NDUFA13: variants seen among roughly 807,000 people sequenced by gnomAD.
NDUFA13 encodes NADH dehydrogenase [ubiquinone] 1 alpha subcomplex subunit 13.
A neutral mutation model predicts 17.0 loss-of-function variants in NDUFA13; 16 were observed. The observed-to-expected ratio is 0.94, with a 90% confidence interval of 0.64 to 1.43. NDUFA13 has a LOEUF of 1.43. Ranked by LOEUF, NDUFA13 falls within the 40% of genes most tolerant of loss-of-function variation. NDUFA13 has a pLI of 0.00. For synonymous variants in NDUFA13, 87 were observed against 78.4 expected (o/e 1.11, Z -0.58); for missense variants, 228 against 206.7 (o/e 1.10, Z -0.63).
intron 1 of NDUFA13, among the ~76,000 whole-genome samples, chr19:19,524,707 G>A (rs1309282796): frequency 6.6e-6 from 1 of 152,162 alleles, no homozygotes; most frequent in Non-Finnish European, 1.5e-5. Flanking sequence ...TCCGGAGGCT[G>A]AGGTGGAAGA....
intron 3 of NDUFA13, 107 bp downstream of exon 3, chr19:19,527,459 G>T: frequency 1.5e-6 from 2 of 1,348,210 alleles, no homozygotes; most frequent in South Asian, 1.2e-5. Flanking sequence ...GGGGGCCATC[G>T]CCCTGTGCCG....
chr19:19,524,055 G>A (rs762856586), intron 1 of NDUFA13, among the ~76,000 whole-genome samples: 2 of 52,632 alleles, frequency 3.8e-5, no homozygotes, highest in African/African-American at 1.6e-4. Flanking sequence ...AGCGTGAGCC[G>A]AAAAAATTTG....
At chr19:19,525,910 C>T in intron 1 of NDUFA13, 1 of 880,464 alleles carries the variant, frequency 1.1e-6, no homozygotes, top group Non-Finnish European at 1.6e-6. Flanking sequence ...CAGGGCCAGC[C>T]TGCCGCCCAG....
intron 1 of NDUFA13, among the ~76,000 whole-genome samples, chr19:19,517,277 G>T (rs2061054127): frequency 6.8e-6 from 1 of 148,032 alleles, no homozygotes; most frequent in Admixed American, 6.7e-5. Flanking sequence ...TGGTTCTGTT[G>T]CCTGGGCTGG....
At chr19:19,516,373 T>G in intron 1 of NDUFA13, 41 bp downstream of exon 1, 1 of 1,600,812 alleles carries the variant, frequency 6.2e-7, no homozygotes, top group Non-Finnish European at 8.5e-7. Context: ...GTCTGGGCAC[T>G]CGGGGCTCGG....
intron 1 of NDUFA13, among the ~76,000 whole-genome samples, chr19:19,524,349 A>C (rs1402684599): frequency 6.6e-6 from 1 of 152,220 alleles, no homozygotes; most frequent in East Asian, 1.9e-4. Context: ...TGTCTTGTAC[A>C]CACAGCTGTG....
chr19:19,527,761 C>G lies in NDUFA13; in HGVS notation c.306C>G (p.Pro102=). Residue 102 remains proline (P), a synonymous_variant, in exon 4 of 5, where the codon CCC becomes CCG. Coordinates refer to ENST00000507754, the MANE Select transcript of NDUFA13 (RefSeq NM_015965.7). The part of the protein sequence containing the change: ...EEEAIIMKDV[P]DWKVGESVFH... ...AGGCCATCATCATGAAGGACGTGCCCGACTGGAAGGTGGGTCCCGGCTGGG... is the reference window on the plus strand; with the variant it reads ...AGGCCATCATCATGAAGGACGTGCCGGACTGGAAGGTGGGTCCCGGCTGGG... The G allele has an allele frequency of 6.4e-7, 1 of 1,552,712 alleles. No homozygotes were observed. Among genetic ancestry groups the G allele is most frequent in the Non-Finnish European group, 8.7e-7 (1 of 1,147,486 alleles).
At chr19:19,516,476 C>T (rs1282626491) in intron 1 of NDUFA13, 144 bp downstream of exon 1, 1 of 871,182 alleles carries the variant, frequency 1.1e-6, no homozygotes, top group Non-Finnish European at 1.9e-6. Context: ...TCTGTAATAA[C>T]GCTAAGTGCT....
rs534234427 is a variant in NDUFA13 at position 19,516,282 on chromosome 19, G to C, written c.44G>C (p.Gly15Ala). The change falls in exon 1 of 5, where the codon GGC (glycine) becomes GCC (alanine). Residue 15 changes from glycine (G) to alanine (A), a missense_variant. By Grantham distance (60) the Gly-to-Ala change is moderately conservative (BLOSUM62 0). Coordinates refer to ENST00000507754, the MANE Select transcript of NDUFA13 (RefSeq NM_015965.7). ...KVKQDMPPPG[G>A]YGPIDYKRNL... ...AAGCAGGACATGCCTCCGCCGGGGG[G>C]CTATGGGCCCATCGACTACAAACGG... 2.5e-5 allele frequency: 41 copies of C among 1,613,946 alleles called. No individual in the cohort carries two copies. The South Asian group carries it at 3.8e-4, about 15-fold the overall frequency.
intron 2 of NDUFA13, 133 bp from the exon 3 acceptor site, chr19:19,527,148 C>T (rs979868995): frequency 1.1e-6 from 1 of 949,230 alleles, no homozygotes; most frequent in African/African-American, 1.6e-5. Context: ...CGACCCTCGC[C>T]CTGCCCCCTG....
chr19:19,527,523 GA>G (rs1354733856), intron 3 of NDUFA13, 171 bp downstream of exon 3: 1 of 980,750 alleles, frequency 1.0e-6, no homozygotes, highest in African/African-American at 1.6e-5. Context: ...GGGCGAACCG[GA>G]AGGCTTCCTG....
At chr19:19,520,624 C>T (rs186768701) in intron 1 of NDUFA13, among the ~76,000 whole-genome samples, 53 of 152,086 alleles carry the variant, frequency 3.5e-4, no homozygotes, top group Admixed American at 9.2e-4. Context: ...AGTAAGACTC[C>T]ATCTCAAAAA....
intron 1 of NDUFA13, among the ~76,000 whole-genome samples, chr19:19,518,728 G>GTTTTT (rs2061062059): frequency 1.2e-5 from 1 of 83,374 alleles, no homozygotes; most frequent in Non-Finnish European, 2.4e-5. Context: ...CATGCCCTGC[G>GTTTTT]ATTTTTTTTT....
chr19:19,523,928 T>C (rs552728339), intron 1 of NDUFA13, among the ~76,000 whole-genome samples: 2 of 152,254 alleles, frequency 1.3e-5, no homozygotes, highest in South Asian at 4.1e-4. Context: ...AGACTTTGTC[T>C]CAAAAAATAA....
In NDUFA13 at chr19:19,527,404, C is replaced by T. The variant is rs370657764; in HGVS notation, c.245+52C>T. ...AGGTCACTGGCCGGAAGGCCCCAGG[C>T]TGCAGGGCCTGACCTGCATCCCCGA... On this transcript the variant is annotated intron_variant, in intron 3 of 4. Coordinates refer to ENST00000507754, the MANE Select transcript of NDUFA13 (RefSeq NM_015965.7). The T allele has an allele frequency of 1.1e-5, 17 of 1,595,866 alleles. No homozygotes were observed. In the African/African-American group the frequency reaches 1.7e-4, roughly 16 times the overall value.
intron 1 of NDUFA13, among the ~76,000 whole-genome samples, chr19:19,518,345 C>T (rs1311169339): frequency 6.6e-6 from 1 of 151,754 alleles, no homozygotes; most frequent in East Asian, 1.9e-4. Context: ...AGCAATTCTC[C>T]TGTCTCAGCC....
rs543384272 is a variant in NDUFA13 at position 19,516,906 on chromosome 19, G to C, written c.94+574G>C. 9.9e-5 allele frequency among the ~76,000 whole-genome samples: 15 copies of C among 152,194 alleles called. No individual in the cohort carries two copies. The East Asian group carries it at 2.9e-3, about 29-fold the overall frequency. ...GGGTTCAAGCGATTCTCTTGCCTCAGCCTCCTGAGTAGCTGGGATTACAGG... is the reference window on the plus strand; with the variant it reads ...GGGTTCAAGCGATTCTCTTGCCTCACCCTCCTGAGTAGCTGGGATTACAGG... On this transcript the variant is annotated intron_variant, in intron 1 of 4. Transcript: ENST00000507754.
intron 1 of NDUFA13, among the ~76,000 whole-genome samples, chr19:19,520,649 T>C (rs1329399112): frequency 2.6e-5 from 4 of 152,136 alleles, no homozygotes; most frequent in Admixed American, 1.3e-4. Context: ...AATAATAATA[T>C]AGTGAAGTGT....
intron 1 of NDUFA13, among the ~76,000 whole-genome samples, chr19:19,519,974 T>C (rs943635866): frequency 6.8e-6 from 1 of 146,380 alleles, no homozygotes; most frequent in Non-Finnish European, 1.5e-5. Context: ...TTGTTCTCTT[T>C]TTTTTTTTTT....
Sources: allele counts gnomAD v4.1 joint callset (sites outside exome capture counted in the v4.1 genomes callset), GRCh38; gene constraint gnomAD v4.1.1; transcripts MANE v1.5; gene names NCBI Gene and HGNC (gene_info 2026-07-23, HGNC 2026-07-21).